TTF1: variants seen among roughly 807,000 people sequenced by gnomAD.
TTF1 encodes transcription termination factor, RNA polymerase I.
Under a neutral mutation model 80.2 loss-of-function variants are expected in TTF1, and 64 were observed. The observed-to-expected ratio is 0.80, with a 90% CI of 0.65 to 0.98. The LOEUF is 0.98. Ranked by LOEUF, TTF1 falls within the 50% of genes least tolerant of loss-of-function variation. TTF1 has a pLI of 0.00. For missense variants in TTF1, 1,023 were observed against 1,086.2 expected (o/e 0.94, Z 0.82); for synonymous variants, 372 against 382.7 (o/e 0.97, Z 0.33).
rs185761294 is a variant in TTF1 at position 132,404,399 on chromosome 9, T to G, written c.-7-1571A>C. Reference sequence around the variant, plus strand: ...CACTGCCACATCCTCTCTCTCTCTGTCTCGCTGCAACAAAGGAAGTGTCCC... The same window carrying G: ...CACTGCCACATCCTCTCTCTCTCTGGCTCGCTGCAACAAAGGAAGTGTCCC... On this transcript the variant is annotated intron_variant, in intron 1 of 10. Transcript: ENST00000334270. Among the ~76,000 whole-genome samples, 895 of 148,592 alleles carry G rather than the reference T, an allele frequency of 6.0e-3. 9 individuals are homozygous for G. Among genetic ancestry groups the G allele is most frequent in the African/African-American group, 0.02 (830 of 41,134 alleles).
At chr9:132,386,724 G>A (rs1249283378) in intron 8 of TTF1, 103 bp from the exon 9 acceptor site, 14 of 911,808 alleles carry the variant, frequency 1.5e-5, no homozygotes, top group Non-Finnish European at 2.4e-5. Context: ...GTGCGCTTTC[G>A]CCGCATTCCA....
rs111626198 is a variant in TTF1, at chr9:132,402,652, T to C, written c.170A>G (p.Lys57Arg). The part of the protein sequence containing the change: ...SQITRRKKRK[K>R]DFQHLISSPL... ...AGAAGAAATGAGATGCTGGAAATCT[T>C]TTTTCCTCTTTTTCCTCCTAGTTAT... Residue 57 changes from lysine to arginine, a missense_variant, in exon 2 of 11, where the codon AAA becomes AGA. Coordinates refer to ENST00000334270, the MANE Select transcript of TTF1 (RefSeq NM_007344.4). The C allele has an allele frequency of 6.2e-7, 1 of 1,613,094 alleles. No homozygotes were observed. Among genetic ancestry groups the C allele is most frequent in the South Asian group, 1.1e-5 (1 of 90,810 alleles).
At chr9:132,397,291 T>TG (rs1353897425) in intron 4 of TTF1, among the ~76,000 whole-genome samples, 6 of 152,226 alleles carry the variant, frequency 3.9e-5, no homozygotes, top group Admixed American at 3.9e-4. Flanking sequence ...TTTCTCACTC[T>TG]AAGGGGAAAT....
Position 132,376,153 on chromosome 9 carries a change from A to G in TTF1, c.2480T>C (p.Leu827Pro). The G allele has an allele frequency of 6.2e-7, 1 of 1,612,966 alleles. No homozygotes were observed. The highest frequency in any genetic ancestry group is 8.5e-7 in the Non-Finnish European group (1 of 1,179,878). ...KKTFPEIIDYLYETTLPLLKE... is the reference protein window; with the variant it reads ...KKTFPEIIDYPYETTLPLLKE... The stretch of plus-strand genomic sequence containing the variant: ...CAGCAAAGGTAGAGTCGTCTCATAA[A>G]GGTAGTCGATGATCTCTACAGAAAA... Residue 827 changes from leucine (L) to proline (P), a missense_variant, in exon 11 of 11, where the codon CTT becomes CCT. By Grantham distance (98) the Leu-to-Pro change is moderately conservative. Transcript: ENST00000334270.
intron 10 of TTF1, among the ~76,000 whole-genome samples, chr9:132,378,236 G>A (rs1321682329): frequency 1.5e-5 from 2 of 130,446 alleles, no homozygotes; most frequent in Admixed American, 1.5e-4. Context: ...GTGCATGCAT[G>A]TGGTGTGAGT....
Position 132,396,413 on chromosome 9 carries a change from T to A in TTF1, c.1856+20A>T. 6.2e-7 allele frequency: 1 copy of A among 1,611,462 alleles called. No individual in the cohort carries two copies. ...AGACTAGAGAAATGTTGTCTCAAGC[T>A]GCTAAGACTTTTTTCTTACCTGCCT... On this transcript the variant is annotated intron_variant, in intron 5 of 10. Transcript: ENST00000334270.
At chr9:132,397,893 G>C (rs758447259) in intron 4 of TTF1, among the ~76,000 whole-genome samples, 28 of 152,068 alleles carry the variant, frequency 1.8e-4, no homozygotes, top group Non-Finnish European at 2.8e-4. Context: ...GGCTGAGGCA[G>C]GAAAATCACT....
intron 4 of TTF1, 53 bp from the exon 5 acceptor site, chr9:132,396,564 T>C: frequency 6.6e-7 from 1 of 1,512,058 alleles, no homozygotes. Flanking sequence ...GAAGTCGCAA[T>C]TGTAAAAGGA....
At chr9:132,402,932 T>G (rs1849796276) in intron 1 of TTF1, 104 bp from the exon 2 acceptor site, 1 of 1,156,038 alleles carries the variant, frequency 8.7e-7, no homozygotes, top group Non-Finnish European at 1.2e-6. Flanking sequence ...CTCGGCTCAC[T>G]GCAAGCTCCG....
chr9:132,378,129 GGTGTGTGTGAGTGCATGTGGTGT>G (rs1849271577), intron 10 of TTF1, among the ~76,000 whole-genome samples: 1 of 103,972 alleles, frequency 9.6e-6, no homozygotes, highest in African/African-American at 3.7e-5. Flanking sequence ...GCATGCATGT[GGTGTGTGTGAGTGCATGTGGTGT>G]GTGTGAGTGC....
At chr9:132,377,868 G>A (rs866373893) in intron 10 of TTF1, among the ~76,000 whole-genome samples, 18 of 138,842 alleles carry the variant, frequency 1.3e-4, no homozygotes, top group Middle Eastern at 4.1e-3. Flanking sequence ...TGGTGTGAGT[G>A]CATGCATGTG....
At position 132,400,065 on chromosome 9, in the gene TTF1, A is replaced by C; in HGVS notation, c.1561T>G (p.Leu521Val). ...GCTTTAAATTCCTTAAACCGTTCCA[A>C]GTCGTCCCGGTACATCCGCTTGATT... ...STIKRMYRDD[L>V]ERFKEFKAQG... Residue 521 changes from leucine to valine, a missense_variant, in exon 3 of 11, where the codon TTG becomes GTG. Coordinates refer to ENST00000334270, the MANE Select transcript of TTF1 (RefSeq NM_007344.4). The C allele has an allele frequency of 6.2e-7, 1 of 1,614,204 alleles. No homozygotes were observed. The highest frequency in any genetic ancestry group is 8.5e-7 in the Non-Finnish European group (1 of 1,180,038).
At chr9:132,391,204 C>T (rs1192820028) in intron 6 of TTF1, among the ~76,000 whole-genome samples, 1 of 152,160 alleles carries the variant, frequency 6.6e-6, no homozygotes, top group East Asian at 1.9e-4. Context: ...GTCTCTTGGC[C>T]AAGAGTTCAT....
chr9:132,380,935 A>G (rs1435228349), intron 9 of TTF1, among the ~76,000 whole-genome samples: 2 of 151,852 alleles, frequency 1.3e-5, no homozygotes, highest in East Asian at 1.9e-4. Flanking sequence ...TTCTTGAGAC[A>G]GGGTCTCACT....
chr9:132,401,527 CCTT>C lies in TTF1; in HGVS notation c.1292_1294del (p.Glu431del), dbSNP rs1201144245. ...CTTTTGTCGGGGCCTAGATTTCACACCTTCTTCCATCATGGCGCCATCACCTTC... is the reference window on the plus strand; with the variant it reads ...CTTTTGTCGGGGCCTAGATTTCACACCTTCCATCATGGCGCCATCACCTTC... On this transcript the variant is annotated inframe_deletion, in exon 2 of 11. Transcript: ENST00000334270. 2 of 1,614,164 alleles carry C rather than the reference CCTT, an allele frequency of 1.2e-6. No homozygotes were observed.
At position 132,402,810 on chromosome 9, in the gene TTF1, T is replaced by G; in HGVS notation, c.12A>C (p.Glu4Asp). 6.3e-7 allele frequency: 1 copy of G among 1,578,024 alleles called. No homozygotes were observed. The highest frequency in any genetic ancestry group is 1.2e-5 in the South Asian group (1 of 85,636). MEG[E>D]SSRFEIHTPV... Reference sequence around the variant, plus strand: ...GAGTGTGGATTTCAAATCTGCTTGATTCTCCTTCCATTTTATTCCTATATG... The same window carrying G: ...GAGTGTGGATTTCAAATCTGCTTGAGTCTCCTTCCATTTTATTCCTATATG... Residue 4 changes from glutamate (E) to aspartate (D), a missense_variant, in exon 2 of 11, where the codon GAA becomes GAC. Glu to Asp is a conservative substitution (Grantham distance 45). Transcript: ENST00000334270.
In TTF1 at chr9:132,402,274, G is replaced by C. The variant is rs1490684450; in HGVS notation, c.548C>G (p.Ala183Gly). Residue 183 changes from alanine (A) to glycine (G), a missense_variant, in exon 2 of 11, where the codon GCA (alanine) becomes GGA (glycine). Coordinates refer to ENST00000334270, the MANE Select transcript of TTF1 (RefSeq NM_007344.4). ...TTCTGACTGAGGCAGGGTGTCCCTT[G>C]CCCGCTGGCTCTCCCAGGATGCAGC... ...RKAASWESQRARDTLPQSESH... is the reference protein window; with the variant it reads ...RKAASWESQRGRDTLPQSESH... 16 of 1,613,916 alleles carry C rather than the reference G, an allele frequency of 9.9e-6. No homozygotes were observed. The East Asian group carries it at 3.6e-4, about 36-fold the overall frequency.
Position 132,398,132 on chromosome 9 carries a change from T to C in TTF1, c.1777+9A>G, listed in dbSNP as rs745523589. 2 of 1,570,422 alleles carry C rather than the reference T, an allele frequency of 1.3e-6. No homozygotes were observed. Among genetic ancestry groups the C allele is most frequent in the South Asian group, 1.2e-5 (1 of 83,702 alleles). On this transcript the variant is annotated intron_variant, in intron 4 of 10. Coordinates refer to ENST00000334270, the MANE Select transcript of TTF1 (RefSeq NM_007344.4). ...TGGATGGTCAAAGGGTGATTGTTTCTAAACTTACCAATGTGTAATCTAAAC... is the reference window on the plus strand; with the variant it reads ...TGGATGGTCAAAGGGTGATTGTTTCCAAACTTACCAATGTGTAATCTAAAC...
chr9:132,378,162 C>A (rs1326889082), intron 10 of TTF1, among the ~76,000 whole-genome samples: 8 of 105,534 alleles, frequency 7.6e-5, no homozygotes, highest in Admixed American at 2.4e-4. Flanking sequence ...TGTGTGAGTG[C>A]ATGTGGTGTG....
Sources: gnomAD v4.1 joint callset for allele counts (sites outside exome capture counted in the v4.1 genomes callset) on GRCh38, gnomAD v4.1.1 for gene constraint, MANE v1.5 for transcripts, NCBI Gene and HGNC (gene_info 2026-07-23, HGNC 2026-07-21) for gene names.